FRMD5: variants seen among roughly 807,000 people sequenced by gnomAD.
The protein encoded by FRMD5 is FERM domain containing 5.
In FRMD5, 20 loss-of-function variants were observed where a neutral mutation model predicts 69.0. The observed-to-expected ratio is 0.29, with a 90% CI of 0.20 to 0.42. The LOEUF (loss-of-function observed/expected upper bound fraction) is 0.42. Ranked by LOEUF, FRMD5 falls within the 10% of genes least tolerant of loss-of-function variation. The pLI is 1.00. For synonymous variants in FRMD5, 271 were observed against 260.1 expected (o/e 1.04, Z -0.40); for missense variants, 595 against 708.6 (o/e 0.84, Z 1.82).
At chr15:44,155,234 C>T (rs1020899193) in intron 1 of FRMD5, among the ~76,000 whole-genome samples, 6 of 152,164 alleles carry the variant, frequency 3.9e-5, no homozygotes, top group Admixed American at 3.9e-4. Context: ...GAGATCAAGA[C>T]CATCCTGGCC....
intron 13 of FRMD5, among the ~76,000 whole-genome samples, chr15:43,881,184 T>G (rs1040806927): frequency 2.0e-5 from 3 of 152,134 alleles, no homozygotes; most frequent in Non-Finnish European, 2.9e-5. Flanking sequence ...GGTGAGCCTT[T>G]TGTTTGGGAG....
upstream of FRMD5, among the ~76,000 whole-genome samples, chr15:44,196,969 C>T (rs2078313035): frequency 6.6e-6 from 1 of 152,172 alleles, no homozygotes; most frequent in Non-Finnish European, 1.5e-5. Context: ...CAGGCATGCG[C>T]TCCACTACTT....
chr15:44,157,630 T>C (rs1296612053), intron 1 of FRMD5, among the ~76,000 whole-genome samples: 1 of 152,188 alleles, frequency 6.6e-6, no homozygotes, highest in Non-Finnish European at 1.5e-5. Flanking sequence ...GTCATTTATA[T>C]CATAAACTGT....
intron 1 of FRMD5, among the ~76,000 whole-genome samples, chr15:44,088,350 T>A (rs1362298385): frequency 2.0e-5 from 3 of 152,148 alleles, no homozygotes; most frequent in Non-Finnish European, 4.4e-5. Flanking sequence ...CCTAATCTAC[T>A]TTGTGTCTCT....
chr15:44,127,034 G>A (rs1595495461), intron 1 of FRMD5, among the ~76,000 whole-genome samples: 1 of 152,268 alleles, frequency 6.6e-6, no homozygotes, highest in East Asian at 1.9e-4. Context: ...CACCTAGAGA[G>A]GAACAATCTT....
At chr15:44,071,787 AT>A (rs1476022470) in intron 1 of FRMD5, among the ~76,000 whole-genome samples, 2 of 152,240 alleles carry the variant, frequency 1.3e-5, no homozygotes, top group Admixed American at 6.5e-5. Context: ...CATTGACTAT[AT>A]TCTTAATAAT....
intron 1 of FRMD5, among the ~76,000 whole-genome samples, chr15:44,040,639 C>A (rs1892144685): frequency 6.6e-6 from 1 of 152,072 alleles, no homozygotes; most frequent in South Asian, 2.1e-4. Flanking sequence ...ACCACCAGGC[C>A]TGCCTTACAA....
chr15:44,101,124 G>A lies in FRMD5; in HGVS notation c.102+93829C>T, dbSNP rs543284986. 2.6e-5 allele frequency among the ~76,000 whole-genome samples: 4 copies of A among 150,984 alleles called. No individual in the cohort carries two copies. The East Asian group carries it at 5.8e-4, about 22-fold the overall frequency. ...AGATCGCGCCACTGCACTCCAGCCT[G>A]GGCAACCAAGTGATACTCCATCTCA... is the stretch of plus-strand genomic sequence containing the variant. On this transcript the variant is annotated intron_variant, in intron 1 of 13. Transcript: ENST00000417257.
chr15:44,088,128 TCCC>T (rs1224290241), intron 1 of FRMD5, among the ~76,000 whole-genome samples: 2 of 152,038 alleles, frequency 1.3e-5, no homozygotes, highest in Non-Finnish European at 2.9e-5. Context: ...AGGCAAAAAC[TCCC>T]CCAATTTTAA....
intron 13 of FRMD5, among the ~76,000 whole-genome samples, chr15:43,882,898 C>T (rs1021858134): frequency 2.6e-5 from 4 of 151,614 alleles, no homozygotes; most frequent in South Asian, 2.1e-4. Flanking sequence ...CTCTGCCTTC[C>T]GGGTTCAAGC....
chr15:44,129,775 A>G (rs1226100132), intron 1 of FRMD5, among the ~76,000 whole-genome samples: 2 of 152,186 alleles, frequency 1.3e-5, no homozygotes, highest in South Asian at 4.1e-4. Flanking sequence ...TTTCCTCTCC[A>G]ATTTTCACAG....
intron 1 of FRMD5, among the ~76,000 whole-genome samples, chr15:44,126,591 G>C (rs1205221188): frequency 1.3e-5 from 2 of 152,032 alleles, no homozygotes; most frequent in Non-Finnish European, 1.5e-5. Context: ...TCTTGACCAG[G>C]AGCCAATTCC....
chr15:43,891,928 C>T (rs746968600), intron 8 of FRMD5, 53 bp downstream of exon 8: 1 of 1,462,986 alleles, frequency 6.8e-7, no homozygotes, highest in Non-Finnish European at 9.6e-7. Context: ...AACCGTCGCC[C>T]CTCCCCAGTT....
chr15:43,995,912 G>A (rs1238588100), intron 1 of FRMD5, among the ~76,000 whole-genome samples: 1 of 152,130 alleles, frequency 6.6e-6, no homozygotes, highest in Non-Finnish European at 1.5e-5. Flanking sequence ...CTACTGGGAT[G>A]AGCCTGGACC....
intron 1 of FRMD5, among the ~76,000 whole-genome samples, chr15:44,087,510 G>A (rs76487376): frequency 2.0e-5 from 3 of 152,018 alleles, no homozygotes; most frequent in Non-Finnish European, 4.4e-5. Context: ...TTAAAGTATA[G>A]GTTTTCCTGC....
intron 1 of FRMD5, among the ~76,000 whole-genome samples, chr15:44,172,272 C>CTT (rs769999651): frequency 6.5e-5 from 9 of 137,462 alleles, no homozygotes; most frequent in Non-Finnish European, 1.3e-4. Flanking sequence ...TTCTCTTTTT[C>CTT]TTTTTTTTTT....
intron 1 of FRMD5, among the ~76,000 whole-genome samples, chr15:44,182,888 C>T (rs764054600): frequency 2.6e-5 from 4 of 152,100 alleles, no homozygotes; most frequent in African/African-American, 4.8e-5. Flanking sequence ...TTCCGCCTCC[C>T]GGGTTCACAT....
intron 1 of FRMD5, among the ~76,000 whole-genome samples, chr15:43,938,132 G>A (rs556482396): frequency 3.3e-5 from 5 of 151,420 alleles, no homozygotes; most frequent in Admixed American, 1.3e-4. Flanking sequence ...TCGGGAGGCT[G>A]AGGCAGGAGA....
chr15:44,187,567 A>AT (rs34597404), intron 1 of FRMD5, among the ~76,000 whole-genome samples: 291 of 145,416 alleles, frequency 2.0e-3, no homozygotes, highest in Admixed American at 3.9e-3. Flanking sequence ...GCTTTTGGCA[A>AT]TTTTTTTTTT....
Sources: allele counts gnomAD v4.1 joint callset (sites outside exome capture counted in the v4.1 genomes callset), GRCh38; gene constraint gnomAD v4.1.1; transcripts MANE v1.5; gene names NCBI Gene and HGNC (gene_info 2026-07-23, HGNC 2026-07-21).